Variants in HEMK2 observed in about 807,000 individuals in gnomAD.
HEMK2 encodes methyltransferase HEMK2.
chr21:28,730,382 AG>A, the HEMK2 span, among the ~76,000 whole-genome samples: 1 of 60,038 alleles, frequency 1.7e-5, no homozygotes, highest in Non-Finnish European at 3.2e-5. Flanking sequence ...AAACACACAC[AG>A]ACACACACAC....
At chr21:28,849,251 C>A in the HEMK2 span, among the ~76,000 whole-genome samples, 1 of 152,130 alleles carries the variant, frequency 6.6e-6, no homozygotes, top group Non-Finnish European at 1.5e-5. Context: ...AGGTTTGGCT[C>A]CCTGGTATCT....
the HEMK2 span, chr21:28,882,167 G>T: frequency 3.8e-5 from 60 of 1,577,254 alleles, no homozygotes; most frequent in Non-Finnish European, 5.1e-5. Flanking sequence ...TACCAAATCT[G>T]TAATAACTGG....
At chr21:28,700,783 A>T in the HEMK2 span, among the ~76,000 whole-genome samples, 8 of 152,012 alleles carry the variant, frequency 5.3e-5, no homozygotes, top group Admixed American at 5.3e-4. Flanking sequence ...CTCTTCCCTA[A>T]CTCATTGTAT....
the HEMK2 span, among the ~76,000 whole-genome samples, chr21:28,762,886 T>C: frequency 6.6e-6 from 1 of 152,132 alleles, no homozygotes; most frequent in African/African-American, 2.4e-5. Context: ...CAAAAGAGAA[T>C]GGACTAAGAC....
At chr21:28,771,356 T>C in the HEMK2 span, among the ~76,000 whole-genome samples, 1 of 152,174 alleles carries the variant, frequency 6.6e-6, no homozygotes, top group Non-Finnish European at 1.5e-5. Flanking sequence ...TCAAATGTTC[T>C]CAACCAGAGG....
chr21:28,618,322 C>A, the HEMK2 span, among the ~76,000 whole-genome samples: 1 of 152,096 alleles, frequency 6.6e-6, no homozygotes, highest in African/African-American at 2.4e-5. Context: ...TTCACAAAAA[C>A]AAATATGTTT....
the HEMK2 span, among the ~76,000 whole-genome samples, chr21:28,602,895 TCTCCTAGAC>T: frequency 4.6e-5 from 7 of 152,162 alleles, no homozygotes; most frequent in African/African-American, 1.7e-4. Context: ...ACCCAGTGCT[TCTCCTAGAC>T]CTCCTTGTAT....
the HEMK2 span, among the ~76,000 whole-genome samples, chr21:28,659,577 T>C: frequency 5.3e-4 from 80 of 152,198 alleles, 1 homozygote; most frequent in Middle Eastern, 6.8e-3. Context: ...TCCATATTCA[T>C]ATACCCTGGA....
chr21:28,811,124 G>A, the HEMK2 span, among the ~76,000 whole-genome samples: 1 of 152,080 alleles, frequency 6.6e-6, no homozygotes, highest in Non-Finnish European at 1.5e-5. Context: ...GCTCATGCCT[G>A]TAATCCCAGC....
At chr21:28,662,554 G>A in the HEMK2 span, among the ~76,000 whole-genome samples, 1 of 152,146 alleles carries the variant, frequency 6.6e-6, no homozygotes, top group Non-Finnish European at 1.5e-5. Context: ...ATCTTGAATT[G>A]TAGTTCCTAT....
chr21:28,640,932 A>G, the HEMK2 span, among the ~76,000 whole-genome samples: 1 of 152,124 alleles, frequency 6.6e-6, no homozygotes, highest in Admixed American at 6.5e-5. Flanking sequence ...AGGTGAAGAC[A>G]CCCTTTGACA....
chr21:28,641,903 G>T, the HEMK2 span, among the ~76,000 whole-genome samples: 11 of 152,274 alleles, frequency 7.2e-5, no homozygotes, highest in South Asian at 1.0e-3. Context: ...TATCTTTCTG[G>T]ATCTCTGTCC....
the HEMK2 span, among the ~76,000 whole-genome samples, chr21:28,676,045 G>A: frequency 6.6e-6 from 1 of 152,208 alleles, no homozygotes; most frequent in Non-Finnish European, 1.5e-5. Flanking sequence ...GGCCTTCGGA[G>A]TCAGAGCCAA....
At chr21:28,787,285 T>C in the HEMK2 span, among the ~76,000 whole-genome samples, 1 of 152,182 alleles carries the variant, frequency 6.6e-6, no homozygotes, top group South Asian at 2.1e-4. Flanking sequence ...GGAAAAACCC[T>C]TCTAGACATT....
chr21:28,853,762 G>A, the HEMK2 span, among the ~76,000 whole-genome samples: 1 of 152,176 alleles, frequency 6.6e-6, no homozygotes, highest in African/African-American at 2.4e-5. Context: ...TGCCACTATT[G>A]GAGTTGAGGA....
chr21:28,868,847 T>C, the HEMK2 span, among the ~76,000 whole-genome samples: 1 of 152,240 alleles, frequency 6.6e-6, no homozygotes, highest in African/African-American at 2.4e-5. Context: ...ATATTGTTAT[T>C]ACAGGCAACC....
chr21:28,800,554 A>G, the HEMK2 span, among the ~76,000 whole-genome samples: 2 of 152,104 alleles, frequency 1.3e-5, no homozygotes, highest in African/African-American at 4.8e-5. Flanking sequence ...TATCATATGT[A>G]TGTTTTATGT....
At chr21:28,614,848 CT>C in the HEMK2 span, among the ~76,000 whole-genome samples, 17,725 of 152,120 alleles carry the variant, frequency 0.12, 1,540 homozygotes, top group African/African-American at 0.24. Flanking sequence ...AAGTGGTTCT[CT>C]TTTTGAGTTT....
chr21:28,649,359 A>C, the HEMK2 span, among the ~76,000 whole-genome samples: 1 of 152,218 alleles, frequency 6.6e-6, no homozygotes, highest in African/African-American at 2.4e-5. Flanking sequence ...AGAAATAAGT[A>C]TAGGGTACAC....
Sources: allele counts gnomAD v4.1 joint callset (sites outside exome capture counted in the v4.1 genomes callset), GRCh38; gene constraint gnomAD v4.1.1; transcripts MANE v1.5; gene names NCBI Gene and HGNC (gene_info 2026-07-23, HGNC 2026-07-21).